The following CPNE4 variants were observed in gnomAD, a reference collection of about 807,000 sequenced individuals.
CPNE4 encodes the protein copine-4.
CPNE4 carries 25 observed loss-of-function variants against 67.9 expected under a neutral mutation model. The observed-to-expected ratio is 0.37, with a 90% CI of 0.27 to 0.51. The LOEUF is 0.51. Among genes scored for constraint, CPNE4 ranks in the 20% least tolerant of loss-of-function variants. CPNE4 has a pLI of 0.93. For missense variants in CPNE4, 464 were observed against 690.8 expected, an observed-to-expected ratio of 0.67 and a Z score of 3.68; for synonymous variants, 242 against 244.9, an observed-to-expected ratio of 0.99 and a Z score of 0.11.
chr3:131,552,410 A>T, intron 13 of CPNE4, 30 bp downstream of exon 13: 1 of 1,599,244 alleles, frequency 6.3e-7, no homozygotes, highest in East Asian at 2.2e-5. Flanking sequence ...AAGGACTGTG[A>T]CACTGGCTTT....
At chr3:131,722,634 G>T (rs1170857919) in intron 3 of CPNE4, among the ~76,000 whole-genome samples, 2 of 152,240 alleles carry the variant, frequency 1.3e-5, no homozygotes, top group Non-Finnish European at 1.5e-5. Flanking sequence ...TGTATAGAGA[G>T]CCCAGGGTAT....
chr3:131,918,913 A>G (rs142083304), intron 1 of CPNE4, among the ~76,000 whole-genome samples: 82 of 152,310 alleles, frequency 5.4e-4, no homozygotes, highest in African/African-American at 1.9e-3. Context: ...AGGCTAAAGA[A>G]TAACAGGTAG....
At chr3:131,687,170 T>G (rs1196924834) in intron 5 of CPNE4, among the ~76,000 whole-genome samples, 1 of 152,206 alleles carries the variant, frequency 6.6e-6, no homozygotes, top group African/African-American at 2.4e-5. Context: ...TTTCTAGTGT[T>G]TATATTTGTT....
At chr3:132,014,144 G>C (rs2073837150) in intron 1 of CPNE4, among the ~76,000 whole-genome samples, 1 of 152,160 alleles carries the variant, frequency 6.6e-6, no homozygotes, top group African/African-American at 2.4e-5. Context: ...GCAGCTGCCA[G>C]TGAAGAGTCT....
In CPNE4 at chr3:131,542,597, C is replaced by T. The variant is rs748584776; in HGVS notation, c.1499G>A (p.Arg500Gln). 6.2e-6 allele frequency: 10 copies of T among 1,614,026 alleles called. No homozygotes were observed. Among genetic ancestry groups the T allele is most frequent in the Non-Finnish European group, 8.5e-6 (10 of 1,179,960 alleles). ...GAAGGGCACGAACTGGACGATGTCT[C>T]GAAGAACAGGCTCTCCCTTGGGTGA... ...LRSPKGEPVL[R>Q]DIVQFVPFRN... Residue 500 changes from arginine to glutamine, a missense_variant, in exon 15 of 16, where the codon CGA (arginine) becomes CAA (glutamine). Arg to Gln is a conservative substitution (Grantham distance 43, BLOSUM62 1). Coordinates refer to ENST00000429747, the MANE Select transcript of CPNE4 (RefSeq NM_130808.3).
chr3:131,917,425 A>C (rs1276456841), intron 1 of CPNE4, among the ~76,000 whole-genome samples: 1 of 152,164 alleles, frequency 6.6e-6, no homozygotes, highest in Non-Finnish European at 1.5e-5. Context: ...TTGTCGCTGC[A>C]ATCAGACTCA....
intron 2 of CPNE4, among the ~76,000 whole-genome samples, chr3:131,820,149 T>G (rs1310720583): frequency 6.6e-6 from 1 of 152,240 alleles, no homozygotes; most frequent in Non-Finnish European, 1.5e-5. Context: ...TGTTGTAGAT[T>G]GGGTTCCCCT....
chr3:131,657,813 C>G (rs1044298433), intron 7 of CPNE4, among the ~76,000 whole-genome samples: 7 of 151,808 alleles, frequency 4.6e-5, no homozygotes, highest in African/African-American at 1.7e-4. Context: ...ATCTGCCCGC[C>G]TCAGCCTTCC....
At chr3:131,780,696 A>T (rs2083410349) in intron 2 of CPNE4, among the ~76,000 whole-genome samples, 1 of 152,100 alleles carries the variant, frequency 6.6e-6, no homozygotes, top group African/African-American at 2.4e-5. Context: ...GAAGATGAGG[A>T]TTGAAAACTA....
At chr3:131,921,669 G>A (rs372771509) in intron 1 of CPNE4, among the ~76,000 whole-genome samples, 30 of 152,222 alleles carry the variant, frequency 2.0e-4, no homozygotes, top group African/African-American at 7.0e-4. Context: ...ACTAATAACA[G>A]GATTCACCTT....
rs1462209996 is a variant in CPNE4 at position 131,892,544 on chromosome 3, AGTGATATAATGGT to A, written c.180+12707_180+12719del. Among the ~76,000 whole-genome samples the A allele has an allele frequency of 2.8e-5, 4 of 142,348 alleles. No homozygotes were observed. In the Middle Eastern group the frequency reaches 0.011, roughly 381 times the overall value. 93.4% of individuals were successfully genotyped at this position (142,348 alleles called of 152,430 possible). The stretch of plus-strand genomic sequence containing the variant: ...TTATAAATTAAACTCAGAATACCCC[AGTGATATAATGGT>A]GCTATATAAATCTCTTAATCCTCTA... On this transcript the variant is annotated intron_variant, in intron 2 of 15. Coordinates refer to ENST00000429747, the MANE Select transcript of CPNE4 (RefSeq NM_130808.3).
Position 132,034,901 on chromosome 3 carries a change from G to C in CPNE4, c.-336C>G. On this transcript the variant is annotated 5_prime_UTR_variant, in exon 1 of 16. Transcript: ENST00000429747. ...AAAGAGGAGGGTACTGAGAAAAGAG[G>C]GAGGGAGTGGAGTGGAGCGAGGGAG... 1.0e-6 allele frequency: 1 copy of C among 985,462 alleles called. No individual in the cohort carries two copies. Among genetic ancestry groups the C allele is most frequent in the Non-Finnish European group, 1.2e-6 (1 of 829,986 alleles). 61.0% of individuals were successfully genotyped at this position (985,462 alleles called of 1,614,324 possible).
At chr3:131,637,685 C>A (rs1397572006) in intron 7 of CPNE4, among the ~76,000 whole-genome samples, 2 of 152,174 alleles carry the variant, frequency 1.3e-5, no homozygotes, top group Non-Finnish European at 2.9e-5. Flanking sequence ...ACAAGAAACT[C>A]AACACCTGGG....
intron 1 of CPNE4, among the ~76,000 whole-genome samples, chr3:131,989,005 A>G (rs959509726): frequency 1.3e-5 from 2 of 152,176 alleles, no homozygotes; most frequent in Non-Finnish European, 2.9e-5. Flanking sequence ...ATAGTTGACT[A>G]TGTTATATAG....
chr3:131,611,015 A>G (rs1368993405), intron 7 of CPNE4, among the ~76,000 whole-genome samples: 3 of 152,072 alleles, frequency 2.0e-5, no homozygotes, highest in Admixed American at 6.6e-5. Flanking sequence ...GTGAGCTCAC[A>G]TTTTCTTTAA....
chr3:131,669,816 T>TAA (rs1560085676), intron 6 of CPNE4, 52 bp from the exon 7 acceptor site: 3 of 1,386,706 alleles, frequency 2.2e-6, no homozygotes, highest in Non-Finnish European at 3.1e-6. Context: ...CTTGACATTT[T>TAA]CACATTTCCA....
At chr3:131,929,857 T>C (rs188663681) in intron 1 of CPNE4, among the ~76,000 whole-genome samples, 5 of 152,322 alleles carry the variant, frequency 3.3e-5, no homozygotes, top group Admixed American at 1.3e-4. Context: ...TGGTATTGGC[T>C]GCCTGACAAG....
intron 2 of CPNE4, among the ~76,000 whole-genome samples, chr3:131,736,562 C>T (rs866805451): frequency 3.6e-5 from 5 of 139,084 alleles, no homozygotes; most frequent in East Asian, 2.2e-4. Flanking sequence ...GGAGGTTGAG[C>T]GGAGATCACA....
At chr3:132,016,386 T>C (rs1256033166) in intron 1 of CPNE4, among the ~76,000 whole-genome samples, 1 of 152,214 alleles carries the variant, frequency 6.6e-6, no homozygotes, top group Non-Finnish European at 1.5e-5. Context: ...AACTTAGCTT[T>C]CCACTGTCAG....
Sources: allele counts gnomAD v4.1 joint callset (sites outside exome capture counted in the v4.1 genomes callset), GRCh38; gene constraint gnomAD v4.1.1; transcripts MANE v1.5; gene names NCBI Gene and HGNC (gene_info 2026-07-23, HGNC 2026-07-21).